TNKS1BP1: variants seen among roughly 807,000 people sequenced by gnomAD.
TNKS1BP1 encodes the protein CCR4-NOT transcription complex subunit 12, also known as 182 kDa tankyrase-1-binding protein.
TNKS1BP1 carries 48 observed loss-of-function variants against 141.1 expected under a neutral mutation model. The observed-to-expected ratio is 0.34, with a 90% confidence interval of 0.27 to 0.43. TNKS1BP1 has a LOEUF of 0.43. Ranked by LOEUF, TNKS1BP1 falls within the 20% of genes least tolerant of loss-of-function variation. TNKS1BP1 has a pLI of 1.00. For missense variants in TNKS1BP1, 2,149 were observed against 2,226.0 expected (o/e 0.97, Z 0.70); for synonymous variants, 875 against 898.2 (o/e 0.97, Z 0.46).
intron 5 of TNKS1BP1, among the ~76,000 whole-genome samples, chr11:57,311,643 T>C (rs958791223): frequency 6.7e-6 from 1 of 150,072 alleles, no homozygotes; most frequent in Non-Finnish European, 1.5e-5. Context: ...AGAGGCCCCC[T>C]GGCTCCTCCT....
chr11:57,300,262 G>A lies in TNKS1BP1; in HGVS notation c.*13-181C>T, dbSNP rs191283644. On this transcript the variant is annotated intron_variant, in intron 11 of 11. Transcript: ENST00000358252. ...TCTCCGTCCAGCCAGGGAGCATGGGGGGACTGTCCCTGAGCACAGGGAAGC... is the reference window on the plus strand; with the variant it reads ...TCTCCGTCCAGCCAGGGAGCATGGGAGGACTGTCCCTGAGCACAGGGAAGC... Among the ~76,000 whole-genome samples, 4 of 152,328 alleles carry A rather than the reference G, an allele frequency of 2.6e-5. No homozygotes were observed. In the East Asian group the frequency reaches 7.7e-4, roughly 29 times the overall value.
rs147133959 is a variant in TNKS1BP1 at position 57,308,333 on chromosome 11, C to T, written c.4316+62G>A. Reference sequence around the variant, plus strand: ...GTTTCTTCCCTCCTCAGAAAGGTTCCGATTTCTTGGACAGCCTTCACATGT... The same window carrying T: ...GTTTCTTCCCTCCTCAGAAAGGTTCTGATTTCTTGGACAGCCTTCACATGT... On this transcript the variant is annotated intron_variant, in intron 6 of 11. Transcript: ENST00000358252. 65 of 1,531,308 alleles carry T rather than the reference C, an allele frequency of 4.2e-5. No homozygotes were observed. The African/African-American group carries it at 6.5e-4, about 15-fold the overall frequency. 94.9% of individuals were successfully genotyped at this position (1,531,308 alleles called of 1,614,324 possible). A position where few individuals can be genotyped will look rare whatever the true frequency, so the allele number is the denominator to read the frequency against.
intron 10 of TNKS1BP1, 112 bp downstream of exon 10, chr11:57,300,772 G>T: frequency 6.6e-7 from 1 of 1,507,010 alleles, no homozygotes; most frequent in South Asian, 1.3e-5. Context: ...GGGCATGTCC[G>T]ACTGAGGTTC....
chr11:57,303,148 G>T (rs117862121), intron 6 of TNKS1BP1: 1 of 294,446 alleles, frequency 3.4e-6, no homozygotes, highest in East Asian at 5.6e-5. Context: ...TGGTCAGCAC[G>T]CACCGCAGAA....
Position 57,313,101 on chromosome 11 carries a change from T to C in TNKS1BP1, c.1587A>G (p.Gln529=), listed in dbSNP as rs1855739751. The C allele has an allele frequency of 6.2e-7, 1 of 1,613,258 alleles. No homozygotes were observed. The highest frequency in any genetic ancestry group is 8.5e-7 in the Non-Finnish European group (1 of 1,180,004). Residue 529 remains glutamine (Q), a synonymous_variant, in exon 5 of 12, where the codon CAA becomes CAG. Coordinates refer to ENST00000358252, the MANE Select transcript of TNKS1BP1 (RefSeq NM_033396.3). ...ACCCACTTGGAGCTGACCCAGCCCC[T>C]TGCCCCTGCTGAGACACTCCTTCTT... ...SREEGVSQQG[Q]GAGSAPSGSG... is the part of the protein sequence containing the mutation.
In TNKS1BP1 at chr11:57,321,899, C is replaced by A. The variant is rs1304601251; in HGVS notation, c.-14G>T. 10 of 1,613,732 alleles carry A rather than the reference C, an allele frequency of 6.2e-6. No homozygotes were observed. Among genetic ancestry groups the A allele is most frequent in the Non-Finnish European group, 7.6e-6 (9 of 1,179,858 alleles). ...AGACACTTTCATCACATGCGGCAGA[C>A]CCTCCTTGAGAGCGGGGAGGCAGAG... On this transcript the variant is annotated 5_prime_UTR_variant, in exon 2 of 12. Coordinates refer to ENST00000358252, the MANE Select transcript of TNKS1BP1 (RefSeq NM_033396.3).
rs537329173 is a variant in TNKS1BP1 at position 57,313,664 on chromosome 11, C to T, written c.1024G>A (p.Ala342Thr). The change falls in exon 5 of 12, where the codon GCC (alanine) becomes ACC (threonine). Residue 342 changes from alanine to threonine, a missense_variant. By Grantham distance (58) the Ala-to-Thr change is moderately conservative. Coordinates refer to ENST00000358252, the MANE Select transcript of TNKS1BP1 (RefSeq NM_033396.3). ...TGGCGGGAGCCCTCGTCAGGCAGGG[C>T]TGCACTTGGAGCTGATGGAGTCACA... Reference protein sequence around the residue: ...PAVTPSAPSAALPDEGSRHTP... With the variant: ...PAVTPSAPSATLPDEGSRHTP... 3.8e-6 allele frequency: 6 copies of T among 1,562,902 alleles called. No homozygotes were observed. In the African/African-American group the frequency reaches 6.8e-5, roughly 18 times the overall value.
At position 57,311,107 on chromosome 11, in the gene TNKS1BP1, A is replaced by G. The variant is rs539754668; in HGVS notation, c.2155-551T>C. The stretch of plus-strand genomic sequence containing the variant: ...CCCCAGCCAAAGTGCCGTCTGCTCA[A>G]TCTTCCCCAGGAAGACCTCTCAGCC... On this transcript the variant is annotated intron_variant, in intron 5 of 11. Transcript: ENST00000358252. 1.3e-4 allele frequency: 66 copies of G among 505,894 alleles called. 1 individual carries two copies. Among genetic ancestry groups the G allele is most frequent in the African/African-American group, 1.2e-3 (58 of 48,470 alleles). The allele number at this position is 505,894 out of a possible 1,614,324, so 31.3% of individuals were successfully genotyped here. A position where few individuals can be genotyped will look rare whatever the true frequency, so the allele number is the denominator to read the frequency against.
At chr11:57,320,022 A>AACCCCCCCCCCAGACCCCCAGGGG in intron 3 of TNKS1BP1, 57 bp downstream of exon 3, 1 of 1,118,688 alleles carries the variant, frequency 8.9e-7, no homozygotes, top group East Asian at 3.1e-5. Context: ...CCCCCACCCA[A>AACCCCCCCCCCAGACCCCCAGGGG]TCCCACCCCA....
chr11:57,304,762 TGG>T (rs34446848), intron 6 of TNKS1BP1, among the ~76,000 whole-genome samples: 5,383 of 145,530 alleles, frequency 0.037, 150 homozygotes, highest in Non-Finnish European at 0.048. Context: ...CCCAGCTTCT[TGG>T]GGGAGACTGA....
At chr11:57,308,330 T>C (rs773144377) in intron 6 of TNKS1BP1, 65 bp downstream of exon 6, 35 of 1,529,266 alleles carry the variant, frequency 2.3e-5, no homozygotes, top group Non-Finnish European at 3.1e-5. Context: ...CTCAGAAAGG[T>C]TCCGATTTCT....
In TNKS1BP1 at chr11:57,312,806, C is replaced by A; in HGVS notation, c.1882G>T (p.Asp628Tyr). ...TCAGCAAAGAGAACACAGGGCTGGT[C>A]AGGGGCTGCTGGCTGCTCCTGCCCC... ...VLGQEQPAAPDQPCVLFADAP... is the reference protein window; with the variant it reads ...VLGQEQPAAPYQPCVLFADAP... Residue 628 changes from aspartate to tyrosine, a missense_variant, in exon 5 of 12, where the codon GAC becomes TAC. Physicochemically the swap from Asp to Tyr is radical, Grantham distance 160. Transcript: ENST00000358252. The A allele has an allele frequency of 6.2e-7, 1 of 1,612,036 alleles. No individual in the cohort carries two copies. Among genetic ancestry groups the A allele is most frequent in the South Asian group, 1.1e-5 (1 of 90,682 alleles).
rs1855819937 is a variant in TNKS1BP1 at position 57,317,762 on chromosome 11, T to G, written c.798+56A>C. On this transcript the variant is annotated intron_variant, in intron 4 of 11. Transcript: ENST00000358252. ...AAGGAGTAGAAAAGATGATCTCATATGACCCTTCCAGCTCTAAAATACGTG... is the reference window on the plus strand; with the variant it reads ...AAGGAGTAGAAAAGATGATCTCATAGGACCCTTCCAGCTCTAAAATACGTG... 5 of 1,540,254 alleles carry G rather than the reference T, an allele frequency of 3.2e-6. No individual in the cohort carries two copies. In the Admixed American group the frequency reaches 8.5e-5, roughly 26 times the overall value.
chr11:57,310,231 T>C lies in TNKS1BP1; in HGVS notation c.2480A>G (p.Lys827Arg). Reference sequence around the variant, plus strand: ...CCGCTGAGTGCCAAGCTGGGCTGGCTTTCCAACTACCCGGTCCTGGGCTGT... The same window carrying C: ...CCGCTGAGTGCCAAGCTGGGCTGGCCTTCCAACTACCCGGTCCTGGGCTGT... ...VLTAQDRVVG[K>R]PAQLGTQRSQ... The change falls in exon 6 of 12, where the codon AAG becomes AGG. Residue 827 changes from lysine (K) to arginine (R), a missense_variant. Physicochemically the swap from Lys to Arg is conservative, Grantham distance 26 (BLOSUM62 2). Coordinates refer to ENST00000358252, the MANE Select transcript of TNKS1BP1 (RefSeq NM_033396.3). The C allele has an allele frequency of 1.2e-6, 2 of 1,614,144 alleles. No individual in the cohort carries two copies. Among genetic ancestry groups the C allele is most frequent in the Non-Finnish European group, 1.7e-6 (2 of 1,180,016 alleles).
chr11:57,304,872 C>CAAAAA (rs35084894), intron 6 of TNKS1BP1, among the ~76,000 whole-genome samples: 6 of 72,708 alleles, frequency 8.3e-5, no homozygotes, highest in East Asian at 4.1e-4. Context: ...AACTCCGTCT[C>CAAAAA]AAAAAAAAAA....
chr11:57,310,269 G>A lies in TNKS1BP1; in HGVS notation c.2442C>T (p.Ala814=). The part of the protein sequence containing the change: ...SSSQDQSKVS[A]PGVLTAQDRV... The stretch of plus-strand genomic sequence containing the variant: ...GGTCCTGGGCTGTGAGCACCCCTGG[G>A]GCAGACACTTTACTCTGGTCTTGGC... Residue 814 remains alanine, a synonymous_variant, in exon 6 of 12, where the codon GCC becomes GCT. Coordinates refer to ENST00000358252, the MANE Select transcript of TNKS1BP1 (RefSeq NM_033396.3). The A allele has an allele frequency of 6.2e-7, 1 of 1,614,040 alleles. No individual in the cohort carries two copies. The highest frequency in any genetic ancestry group is 1.1e-5 in the South Asian group (1 of 91,082).
chr11:57,300,682 C>A, intron 10 of TNKS1BP1, 82 bp from the exon 11 acceptor site: 2 of 1,580,282 alleles, frequency 1.3e-6, no homozygotes, highest in African/African-American at 1.3e-5. Context: ...GGACAGAAAC[C>A]ACCCTCTAAC....
Position 57,320,741 on chromosome 11 carries a change from G to C in TNKS1BP1, c.95-29C>G, listed in dbSNP as rs200322047. ...CCAAAAGGAAAGGGTTGGTGGGGGA[G>C]CTGTCAGAAGAACCAGGAAGCAGAA... On this transcript the variant is annotated intron_variant, in intron 2 of 11. Transcript: ENST00000358252. 34 of 1,522,330 alleles carry C rather than the reference G, an allele frequency of 2.2e-5. No individual in the cohort carries two copies. The African/African-American group carries it at 3.6e-4, about 16-fold the overall frequency. 94.3% of individuals were successfully genotyped at this position (1,522,330 alleles called of 1,614,324 possible). A position where few individuals can be genotyped will look rare whatever the true frequency, so the allele number is the denominator to read the frequency against.
chr11:57,306,285 C>A (rs1354947845), intron 6 of TNKS1BP1, among the ~76,000 whole-genome samples: 30 of 122,424 alleles, frequency 2.5e-4, no homozygotes, highest in African/African-American at 5.4e-4. Context: ...GACTCCGTTT[C>A]AAAAAAAAAA....
Sources: gnomAD v4.1 joint callset for allele counts (sites outside exome capture counted in the v4.1 genomes callset) on GRCh38, gnomAD v4.1.1 for gene constraint, MANE v1.5 for transcripts, NCBI Gene and HGNC (gene_info 2026-07-23, HGNC 2026-07-21) for gene names.